The following SGK2 variants were observed in gnomAD, a reference collection of about 807,000 sequenced individuals.
The protein encoded by SGK2 is serum/glucocorticoid regulated kinase 2, also known as serine/threonine-protein kinase Sgk2.
SGK2 carries 36 observed loss-of-function variants against 47.5 expected under a neutral mutation model. The observed-to-expected ratio is 0.76, with a 90% CI of 0.58 to 1.00. SGK2 has a LOEUF of 1.00. SGK2 is among the 50% of genes least tolerant of loss of function. SGK2 has a pLI of 0.00. For missense variants in SGK2, 404 were observed against 467.4 expected, an observed-to-expected ratio of 0.86 and a Z score of 1.25; for synonymous variants, 157 against 181.9, an observed-to-expected ratio of 0.86 and a Z score of 1.10.
In SGK2 at chr20:43,572,220, A is replaced by G; in HGVS notation, c.597+83A>G. ...GATTAGAGCCAACAGGTTACAGTGA[A>G]GGGGACTCACTCCTTTGACCCAAAC... is the stretch of plus-strand genomic sequence containing the variant. On this transcript the variant is annotated intron_variant, in intron 9 of 12. Coordinates refer to ENST00000373100, the MANE Select transcript of SGK2 (RefSeq NM_170693.3). This position sits in a 1 kb window ranked among gnomAD's most constrained non-coding sequence, Gnocchi z 4.2. 1 of 1,036,822 alleles carries G rather than the reference A, an allele frequency of 9.6e-7. No individual in the cohort carries two copies. Among genetic ancestry groups the G allele is most frequent in the Non-Finnish European group, 1.5e-6 (1 of 683,078 alleles). 64.2% of individuals were successfully genotyped at this position (1,036,822 alleles called of 1,614,324 possible).
At chr20:43,578,979 T>C (rs952271471) in intron 11 of SGK2, among the ~76,000 whole-genome samples, 1 of 150,664 alleles carries the variant, frequency 6.6e-6, no homozygotes, top group Non-Finnish European at 1.5e-5. Context: ...AGGCAACCAA[T>C]GTTACCAATT....
intron 11 of SGK2, among the ~76,000 whole-genome samples, chr20:43,576,928 G>A (rs1184821635): frequency 1.3e-5 from 2 of 152,112 alleles, no homozygotes; most frequent in African/African-American, 4.8e-5. Flanking sequence ...GGCAACAAGA[G>A]CAAAACTCCA....
intron 7 of SGK2, 70 bp from the exon 8 acceptor site, chr20:43,570,954 G>C: frequency 6.2e-7 from 1 of 1,609,246 alleles, no homozygotes; most frequent in Admixed American, 1.7e-5. Flanking sequence ...ACCACCCCCC[G>C]CCCAGGTCTC....
At chr20:43,577,365 T>C (rs1980523193) in intron 11 of SGK2, among the ~76,000 whole-genome samples, 1 of 150,284 alleles carries the variant, frequency 6.7e-6, no homozygotes, top group Admixed American at 6.6e-5. Flanking sequence ...TTTTTTTTTT[T>C]TTTCCGAGAC....
chr20:43,581,834 T>C (rs1980817021), intron 12 of SGK2, among the ~76,000 whole-genome samples: 1 of 152,178 alleles, frequency 6.6e-6, no homozygotes, highest in Non-Finnish European at 1.5e-5. Flanking sequence ...TGGCCATTTT[T>C]AGGTTGTTGA....
intron 5 of SGK2, 88 bp from the exon 6 acceptor site, chr20:43,569,297 C>A (rs1979950601): frequency 6.6e-7 from 1 of 1,512,866 alleles, no homozygotes; most frequent in South Asian, 1.2e-5. Context: ...GTAGGATGAC[C>A]CCCACCCACA....
chr20:43,579,592 A>C (rs2145556993), intron 11 of SGK2, among the ~76,000 whole-genome samples: 1 of 152,204 alleles, frequency 6.6e-6, no homozygotes, highest in Non-Finnish European at 1.5e-5. Flanking sequence ...TGCATACTGG[A>C]AAACTCAAGA....
chr20:43,583,358 C>T (rs113248906), intron 12 of SGK2: 1 of 1,277,758 alleles, frequency 7.8e-7, no homozygotes, highest in African/African-American at 1.5e-5. Context: ...TGTCACCTAC[C>T]ATTTGTGAGG....
chr20:43,580,444 C>G (rs1980721112), intron 12 of SGK2, among the ~76,000 whole-genome samples: 1 of 152,236 alleles, frequency 6.6e-6, no homozygotes, highest in African/African-American at 2.4e-5. Flanking sequence ...ATGTAAAACA[C>G]TGGCCAGGCA....
At chr20:43,582,503 TCAG>T (rs1196657934) in intron 12 of SGK2, among the ~76,000 whole-genome samples, 1 of 145,562 alleles carries the variant, frequency 6.9e-6, no homozygotes, top group African/African-American at 2.6e-5. Flanking sequence ...TTCTCCTGCC[TCAG>T]CCTCCCGAGT....
At chr20:43,570,592 C>T in intron 6 of SGK2, 25 bp from the exon 7 acceptor site, 3 of 1,545,486 alleles carry the variant, frequency 1.9e-6, no homozygotes, top group Non-Finnish European at 2.7e-6. Flanking sequence ...CCAATAACTC[C>T]TGTCACACTC....
At position 43,573,243 on chromosome 20, in the gene SGK2, C is replaced by T. The variant is rs566649618; in HGVS notation, c.597+1106C>T. Among the ~76,000 whole-genome samples the T allele has an allele frequency of 2.7e-4, 41 of 152,356 alleles. 1 individual carries two copies. The highest frequency in any genetic ancestry group is 3.3e-4 in the Admixed American group (5 of 15,306). On this transcript the variant is annotated intron_variant, in intron 9 of 12. Transcript: ENST00000373100. The stretch of plus-strand genomic sequence containing the variant: ...GTGGCTCACGCCTGTAATCTCAACA[C>T]TTTGGTAGGCCGAGGCAGGCAGATC...
intron 11 of SGK2, among the ~76,000 whole-genome samples, 174 bp from the exon 12 acceptor site, chr20:43,579,798 T>C (rs1423446601): frequency 6.6e-6 from 1 of 152,208 alleles, no homozygotes; most frequent in African/African-American, 2.4e-5. Context: ...TTCTGGATGA[T>C]GGGAGAGGCT....
At chr20:43,568,679 G>A (rs1979897807) in intron 5 of SGK2, among the ~76,000 whole-genome samples, 1 of 151,488 alleles carries the variant, frequency 6.6e-6, no homozygotes, top group East Asian at 2.0e-4. Flanking sequence ...ATGGGGTTTT[G>A]CCATGTTGGT....
At chr20:43,582,178 C>A (rs1601002620) in intron 12 of SGK2, among the ~76,000 whole-genome samples, 1 of 33,838 alleles carries the variant, frequency 3.0e-5, no homozygotes, top group Non-Finnish European at 6.5e-5. Context: ...CTCCTGAGTA[C>A]CTCAGCCTCC....
chr20:43,580,184 G>A, intron 12 of SGK2, 123 bp downstream of exon 12: 2 of 615,690 alleles, frequency 3.2e-6, no homozygotes, highest in South Asian at 2.0e-5. Flanking sequence ...TTTGTCCTAG[G>A]CTACACAGTC....
At position 43,571,198 on chromosome 20, in the gene SGK2, G is replaced by A. The variant is rs756457595; in HGVS notation, c.510+138G>A. The A allele has an allele frequency of 1.7e-4, 233 of 1,373,512 alleles. 1 individual carries two copies. Among genetic ancestry groups the A allele is most frequent in the Non-Finnish European group, 2.2e-4 (221 of 1,002,386 alleles). The allele number at this position is 1,373,512 out of a possible 1,614,324, so 85.1% of individuals were successfully genotyped here. On this transcript the variant is annotated intron_variant, in intron 8 of 12. Coordinates refer to ENST00000373100, the MANE Select transcript of SGK2 (RefSeq NM_170693.3). ...GCATATAGGTAGAGGAGGCATTTGA[G>A]CATATGTGTGTGTGCCCATGCACAT...
chr20:43,562,416 T>C (rs1014189339), intron 1 of SGK2, among the ~76,000 whole-genome samples: 1 of 58,514 alleles, frequency 1.7e-5, no homozygotes, highest in Non-Finnish European at 3.0e-5. Flanking sequence ...AAACCATGTC[T>C]CAAAAAAAAA....
chr20:43,579,350 C>A (rs979184001), intron 11 of SGK2, among the ~76,000 whole-genome samples: 47 of 152,038 alleles, frequency 3.1e-4, no homozygotes, highest in African/African-American at 1.1e-3. Flanking sequence ...GGTTGTTAAC[C>A]AGCCCACTGG....
Sources: allele counts gnomAD v4.1 joint callset (sites outside exome capture counted in the v4.1 genomes callset), GRCh38; gene constraint gnomAD v4.1.1; non-coding constraint Gnocchi (gnomAD v3.1); transcripts MANE v1.5; gene names NCBI Gene and HGNC (gene_info 2026-07-23, HGNC 2026-07-21).